Variants in CARMIL1 observed in about 807,000 individuals in gnomAD.
The protein encoded by CARMIL1 is capping protein regulator and myosin 1 linker 1, also known as F-actin-uncapping protein LRRC16A.
Under a neutral mutation model 177.1 loss-of-function variants are expected in CARMIL1, and 90 were observed. That is an observed-to-expected ratio of 0.51 (90% CI 0.43 to 0.61). The LOEUF (loss-of-function observed/expected upper bound fraction) is 0.61. Ranked by LOEUF, CARMIL1 falls within the 20% of genes least tolerant of loss-of-function variation. The pLI is 0.00. For synonymous variants in CARMIL1, 577 were observed against 606.2 expected (o/e 0.95, Z 0.71); for missense variants, 1,380 against 1,667.0 (o/e 0.83, Z 3.00).
rs1802186669 is a variant in CARMIL1, at chr6:25,482,240, T to C, written c.875-17T>C. Reference sequence around the variant, plus strand: ...TGAGAACTTGAAAATTCTAATCGCTTCTTTTTCCTTTCTCAGGTGTGTCCT... The same window carrying C: ...TGAGAACTTGAAAATTCTAATCGCTCCTTTTTCCTTTCTCAGGTGTGTCCT... On this transcript the variant is annotated splice_polypyrimidine_tract_variant and intron_variant, in intron 11 of 36. Coordinates refer to ENST00000329474, the MANE Select transcript of CARMIL1 (RefSeq NM_017640.6). 3 of 1,362,108 alleles carry C rather than the reference T, an allele frequency of 2.2e-6. No homozygotes were observed. Among genetic ancestry groups the C allele is most frequent in the Admixed American group, 2.0e-5 (1 of 48,984 alleles). 84.4% of individuals were successfully genotyped at this position (1,362,108 alleles called of 1,614,324 possible).
At chr6:25,418,534 G>A (rs913509428) in intron 2 of CARMIL1, among the ~76,000 whole-genome samples, 8 of 135,476 alleles carry the variant, frequency 5.9e-5, no homozygotes, top group African/African-American at 2.2e-4. Flanking sequence ...TTGCCCCCAA[G>A]GCCTTAGGAG....
chr6:25,279,710 CTA>C lies in CARMIL1; in HGVS notation c.-85_-84del. Reference sequence around the variant, plus strand: ...CCATTTGCAAGCTGCATCTGCCTCTCTAAAAAAATTGAGGAGTTCGGGGAAGG... The same window carrying C: ...CCATTTGCAAGCTGCATCTGCCTCTCAAAAAATTGAGGAGTTCGGGGAAGG... On this transcript the variant is annotated 5_prime_UTR_variant, in exon 1 of 37. Coordinates refer to ENST00000329474, the MANE Select transcript of CARMIL1 (RefSeq NM_017640.6). The C allele has an allele frequency of 7.6e-7, 1 of 1,323,776 alleles. No homozygotes were observed. Among genetic ancestry groups the C allele is most frequent in the African/African-American group, 1.4e-5 (1 of 69,168 alleles). 82.0% of individuals were successfully genotyped at this position (1,323,776 alleles called of 1,614,324 possible).
Position 25,603,388 on chromosome 6 carries a change from A to G in CARMIL1, c.3553-1424A>G, listed in dbSNP as rs114339294. On this transcript the variant is annotated intron_variant, in intron 33 of 36. Transcript: ENST00000329474. Reference sequence around the variant, plus strand: ...CTGTTCAGCACCTTGCATTCATGACAGTGGAGCTTTTGTCATCTTCCTGAG... The same window carrying G: ...CTGTTCAGCACCTTGCATTCATGACGGTGGAGCTTTTGTCATCTTCCTGAG... Among the ~76,000 whole-genome samples the G allele has an allele frequency of 4.0e-3, 607 of 152,322 alleles. 3 individuals are homozygous for G. Among genetic ancestry groups the G allele is most frequent in the Non-Finnish European group, 5.8e-3 (392 of 68,022 alleles).
intron 4 of CARMIL1, 55 bp downstream of exon 4, chr6:25,426,615 A>T (rs1796303458): frequency 6.6e-7 from 1 of 1,507,974 alleles, no homozygotes; most frequent in Admixed American, 1.8e-5. Context: ...AATTCTTGAA[A>T]CCCTAAAATG....
intron 2 of CARMIL1, among the ~76,000 whole-genome samples, chr6:25,368,436 C>T (rs1435797768): frequency 6.6e-6 from 1 of 152,128 alleles, no homozygotes; most frequent in Non-Finnish European, 1.5e-5. Context: ...TTAAATTAGC[C>T]CAGTACATCA....
chr6:25,349,725 A>ATT lies in CARMIL1; in HGVS notation c.138+64837_138+64838dup, dbSNP rs67971403. On this transcript the variant is annotated intron_variant, in intron 2 of 36. Coordinates refer to ENST00000329474, the MANE Select transcript of CARMIL1 (RefSeq NM_017640.6). The stretch of plus-strand genomic sequence containing the variant: ...TGCCCTGATCTAAACCAGTCCCCTC[A>ATT]TTTTTTTTTTTTTTTTTTTTTTGAG... Among the ~76,000 whole-genome samples, 457 of 93,500 alleles carry ATT rather than the reference A, an allele frequency of 4.9e-3. 8 individuals carry two copies. Among genetic ancestry groups the ATT allele is most frequent in the African/African-American group, 0.015 (370 of 24,160 alleles). The allele number at this position is 93,500 out of a possible 152,430, so 61.3% of individuals were successfully genotyped here. A position where few individuals can be genotyped will look rare whatever the true frequency, so the allele number is the denominator to read the frequency against.
chr6:25,457,576 T>C (rs1751190998), intron 8 of CARMIL1, among the ~76,000 whole-genome samples: 1 of 152,212 alleles, frequency 6.6e-6, no homozygotes, highest in African/African-American at 2.4e-5. Context: ...TCAAAGTAGA[T>C]GGAATGGAGA....
chr6:25,382,771 C>T (rs537080424), intron 2 of CARMIL1, among the ~76,000 whole-genome samples: 2 of 152,230 alleles, frequency 1.3e-5, no homozygotes, highest in Admixed American at 6.5e-5. Context: ...TAGCTAGACA[C>T]AGGGCGCTGA....
At chr6:25,524,019 T>C (rs1806845252) in intron 23 of CARMIL1, among the ~76,000 whole-genome samples, 1 of 152,160 alleles carries the variant, frequency 6.6e-6, no homozygotes, top group South Asian at 2.1e-4. Flanking sequence ...AAATTTCCTT[T>C]TTTTTTCTGG....
intron 5 of CARMIL1, among the ~76,000 whole-genome samples, chr6:25,436,867 G>T (rs1336405676): frequency 1.3e-5 from 2 of 152,182 alleles, no homozygotes; most frequent in African/African-American, 4.8e-5. Context: ...AGCTGGGGCT[G>T]CCCTCTGACT....
intron 2 of CARMIL1, among the ~76,000 whole-genome samples, chr6:25,373,679 TTC>T (rs1247581239): frequency 6.6e-6 from 1 of 151,670 alleles, no homozygotes; most frequent in Admixed American, 6.6e-5. Context: ...ACCTCCCTGG[TTC>T]AAGCGATTCT....
intron 24 of CARMIL1, among the ~76,000 whole-genome samples, chr6:25,533,537 CTGT>C (rs1807977412): frequency 6.6e-6 from 1 of 151,978 alleles, no homozygotes; most frequent in African/African-American, 2.4e-5. Flanking sequence ...TTTTTTTTGG[CTGT>C]TATTTTTATT....
At chr6:25,418,019 C>T (rs1259039427) in intron 2 of CARMIL1, among the ~76,000 whole-genome samples, 1 of 152,116 alleles carries the variant, frequency 6.6e-6, no homozygotes, top group Non-Finnish European at 1.5e-5. Context: ...GGCTAGAGCA[C>T]AAGGAGGCAC....
chr6:25,331,684 TTAGATCTC>T (rs1785638079), intron 2 of CARMIL1, among the ~76,000 whole-genome samples: 1 of 152,190 alleles, frequency 6.6e-6, no homozygotes, highest in Admixed American at 6.5e-5. Flanking sequence ...GTCCTTCCTA[TTAGATCTC>T]TAGAAAGCTA....
intron 2 of CARMIL1, among the ~76,000 whole-genome samples, chr6:25,367,653 G>A (rs1227239307): frequency 6.6e-6 from 1 of 152,250 alleles, no homozygotes; most frequent in East Asian, 1.9e-4. Flanking sequence ...AATGCAGTAA[G>A]GAAGTAATTC....
Position 25,312,924 on chromosome 6 carries a change from A to AAC in CARMIL1, c.138+28016_138+28017insCA, listed in dbSNP as rs1561969691. Among the ~76,000 whole-genome samples the AAC allele has an allele frequency of 4.7e-5, 7 of 148,356 alleles. No homozygotes were observed. In the East Asian group the frequency reaches 1.0e-3, roughly 21 times the overall value. On this transcript the variant is annotated intron_variant, in intron 2 of 36. Transcript: ENST00000329474. The stretch of plus-strand genomic sequence containing the variant: ...CTCAGTTAAAAAAAAAAAAAAAAAA[A>AAC]AAAAAAACCAGAGGAGGGGAACGAG...
chr6:25,439,298 A>G (rs1053236588), intron 5 of CARMIL1, among the ~76,000 whole-genome samples: 3 of 152,212 alleles, frequency 2.0e-5, no homozygotes, highest in Non-Finnish European at 4.4e-5. Context: ...AGGTGAGGCT[A>G]TCAGGTAGGC....
At chr6:25,434,007 G>T (rs768062694) in intron 4 of CARMIL1, among the ~76,000 whole-genome samples, 1 of 152,154 alleles carries the variant, frequency 6.6e-6, no homozygotes, top group Non-Finnish European at 1.5e-5. Context: ...GTAAGAACAG[G>T]AAGTAAACGT....
chr6:25,452,102 A>T (rs550475625), intron 8 of CARMIL1: 2 of 762,192 alleles, frequency 2.6e-6, no homozygotes, highest in Non-Finnish European at 4.8e-6. Flanking sequence ...TCGGCCAGGG[A>T]AAAAGTATAC....
Sources: allele counts gnomAD v4.1 joint callset (sites outside exome capture counted in the v4.1 genomes callset), GRCh38; gene constraint gnomAD v4.1.1; transcripts MANE v1.5; gene names NCBI Gene and HGNC (gene_info 2026-07-23, HGNC 2026-07-21).